MDGA2: variants seen among roughly 807,000 people sequenced by gnomAD.
MDGA2 encodes MAM domain-containing glycosylphosphatidylinositol anchor protein 2.
In MDGA2, 40 loss-of-function variants were observed where a neutral mutation model predicts 117.8. The observed-to-expected ratio is 0.34, with a 90% CI of 0.26 to 0.44. The LOEUF (loss-of-function observed/expected upper bound fraction) is 0.44, where lower values mean the gene tolerates loss of function less well. MDGA2 is among the 20% of genes least tolerant of loss of function. MDGA2 has a pLI of 1.00. For missense variants in MDGA2, 1,123 were observed against 1,250.6 expected, an observed-to-expected ratio of 0.90 and a Z score of 1.54; for synonymous variants, 452 against 439.0, an observed-to-expected ratio of 1.03 and a Z score of -0.37.
At chr14:46,957,294 C>A (rs901204858) in intron 9 of MDGA2, 80 bp downstream of exon 9, 1 of 1,365,934 alleles carries the variant, frequency 7.3e-7, no homozygotes, top group East Asian at 2.3e-5. Context: ...CAAATGTTTT[C>A]ATTCTTATAT....
At chr14:47,252,650 T>G (rs1403037254) in intron 2 of MDGA2, among the ~76,000 whole-genome samples, 1 of 152,202 alleles carries the variant, frequency 6.6e-6, no homozygotes, top group African/African-American at 2.4e-5. Context: ...GAGCACAGTT[T>G]GGGAGTAACA....
intron 1 of MDGA2, among the ~76,000 whole-genome samples, chr14:47,656,596 G>A (rs1897748909): frequency 6.6e-6 from 1 of 152,144 alleles, no homozygotes. Context: ...CTGGACGCCT[G>A]CAAAGAGAAG....
At chr14:47,525,063 T>C in intron 1 of MDGA2, among the ~76,000 whole-genome samples, 1 of 152,182 alleles carries the variant, frequency 6.6e-6, no homozygotes, top group Non-Finnish European at 1.5e-5. Context: ...CACTGTTCCA[T>C]TTTCATTCAG....
At chr14:47,260,960 G>A (rs1340493088) in intron 2 of MDGA2, among the ~76,000 whole-genome samples, 1 of 152,008 alleles carries the variant, frequency 6.6e-6, no homozygotes, top group Non-Finnish European at 1.5e-5. Flanking sequence ...GACAACAAAT[G>A]GGTTATTTAA....
intron 1 of MDGA2, among the ~76,000 whole-genome samples, chr14:47,418,114 T>C (rs533108991): frequency 1.3e-5 from 2 of 152,288 alleles, no homozygotes; most frequent in East Asian, 1.9e-4. Flanking sequence ...TCTTGCTGTG[T>C]CGCCCAGGCT....
In MDGA2 at chr14:47,035,182, C is replaced by T. The variant is rs1330404981; in HGVS notation, c.1648G>A (p.Asp550Asn). ...PKPIILWSRADKEVAMPDGSM... is the reference protein window; with the variant it reads ...PKPIILWSRANKEVAMPDGSM... Reference sequence around the variant, plus strand: ...CCATCAGGCATTGCAACTTCTTTATCCGCTCTAGACCAAAGGATGATTGGT... The same window carrying T: ...CCATCAGGCATTGCAACTTCTTTATTCGCTCTAGACCAAAGGATGATTGGT... Residue 550 changes from aspartate (D) to asparagine (N), a missense_variant, in exon 8 of 17, where the codon GAT becomes AAT. Asp to Asn is a conservative substitution (Grantham distance 23, BLOSUM62 1). This residue lies in a region of MDGA2 where 890 missense variants were observed against 1,050.3 expected (regional missense o/e 0.85). Coordinates refer to ENST00000399232, the MANE Select transcript of MDGA2 (RefSeq NM_001113498.3). The T allele has an allele frequency of 6.2e-7, 1 of 1,614,156 alleles. No individual in the cohort carries two copies. Among genetic ancestry groups the T allele is most frequent in the South Asian group, 1.1e-5 (1 of 91,090 alleles).
chr14:47,020,482 G>A (rs1217497236), intron 8 of MDGA2, among the ~76,000 whole-genome samples: 1 of 152,160 alleles, frequency 6.6e-6, no homozygotes, highest in African/African-American at 2.4e-5. Flanking sequence ...TAAAACAAGT[G>A]ACAGATATGT....
At chr14:47,079,602 T>C (rs1890623835) in intron 6 of MDGA2, among the ~76,000 whole-genome samples, 1 of 152,100 alleles carries the variant, frequency 6.6e-6, no homozygotes, top group African/African-American at 2.4e-5. Context: ...AGTTTTACTT[T>C]AGAAAGACAT....
At chr14:47,544,654 T>G (rs1240693059) in intron 1 of MDGA2, among the ~76,000 whole-genome samples, 4 of 152,180 alleles carry the variant, frequency 2.6e-5, no homozygotes, top group Non-Finnish European at 4.4e-5. Flanking sequence ...GAATACCAGG[T>G]CAACTGGTTA....
At chr14:47,355,215 T>G (rs1292681693) in intron 1 of MDGA2, among the ~76,000 whole-genome samples, 1 of 152,102 alleles carries the variant, frequency 6.6e-6, no homozygotes, top group Non-Finnish European at 1.5e-5. Flanking sequence ...AGCCAATACC[T>G]TTTTACTTAA....
intron 1 of MDGA2, among the ~76,000 whole-genome samples, chr14:47,328,296 A>G (rs1375198383): frequency 6.6e-6 from 1 of 152,158 alleles, no homozygotes; most frequent in African/African-American, 2.4e-5. Flanking sequence ...TCCACACAGT[A>G]TTTGTCAACT....
At chr14:47,000,377 T>G (rs113045264) in intron 8 of MDGA2, among the ~76,000 whole-genome samples, 12,516 of 99,944 alleles carry the variant, frequency 0.13, 864 homozygotes, top group South Asian at 0.31. Flanking sequence ...ATATATATAT[T>G]TATATATATA....
chr14:47,060,901 T>G (rs984728476), intron 7 of MDGA2, among the ~76,000 whole-genome samples: 3 of 152,030 alleles, frequency 2.0e-5, no homozygotes, highest in Admixed American at 6.6e-5. Flanking sequence ...TTCTGAAAAT[T>G]GTCTTAACTC....
intron 1 of MDGA2, among the ~76,000 whole-genome samples, chr14:47,373,645 G>A (rs1298376184): frequency 2.0e-5 from 3 of 152,158 alleles, no homozygotes; most frequent in East Asian, 1.9e-4. Context: ...CTAGGGCTGG[G>A]CTGTGGGGCT....
chr14:46,980,707 A>C (rs979051396), intron 8 of MDGA2, among the ~76,000 whole-genome samples: 12 of 152,198 alleles, frequency 7.9e-5, no homozygotes, highest in Admixed American at 6.6e-5. Context: ...AGCAGCCATA[A>C]ACATCAAGGC....
intron 5 of MDGA2, among the ~76,000 whole-genome samples, chr14:47,123,143 G>A (rs959298757): frequency 1.3e-5 from 2 of 151,942 alleles, no homozygotes; most frequent in African/African-American, 2.4e-5. Context: ...GCTGTTTATT[G>A]TATCTGGATT....
chr14:46,863,333 T>G (rs1179537920), intron 14 of MDGA2, among the ~76,000 whole-genome samples: 1 of 152,160 alleles, frequency 6.6e-6, no homozygotes, highest in Admixed American at 6.6e-5. Context: ...ATTCAGAAAT[T>G]TATTACCTCA....
At position 46,888,332 on chromosome 14, in the gene MDGA2, A is replaced by G. The variant is rs899038001; in HGVS notation, c.2239-6111T>C. 2.6e-5 allele frequency among the ~76,000 whole-genome samples: 4 copies of G among 152,010 alleles called. No homozygotes were observed. In the East Asian group the frequency reaches 5.8e-4, roughly 22 times the overall value. On this transcript the variant is annotated intron_variant, in intron 10 of 16. Coordinates refer to ENST00000399232, the MANE Select transcript of MDGA2 (RefSeq NM_001113498.3). ...CCCTCAGAGAAGATGGGTTCTAAAC[A>G]ATACAGCAGATGACAATCCCAGATC...
At chr14:47,241,921 T>C (rs1436541744) in intron 2 of MDGA2, among the ~76,000 whole-genome samples, 3 of 151,884 alleles carry the variant, frequency 2.0e-5, no homozygotes, top group South Asian at 4.1e-4. Context: ...CTCTTTTTTC[T>C]AGAACTTCAT....
Sources: allele counts gnomAD v4.1 joint callset (sites outside exome capture counted in the v4.1 genomes callset), GRCh38; gene constraint gnomAD v4.1.1; regional missense constraint gnomAD v4.1.1; transcripts MANE v1.5; gene names NCBI Gene and HGNC (gene_info 2026-07-23, HGNC 2026-07-21).